IL33: variants seen among roughly 807,000 people sequenced by gnomAD.
The protein encoded by IL33 is interleukin-33.
In IL33, 37 loss-of-function variants were observed where a neutral mutation model predicts 27.3. The ratio of observed to expected loss-of-function variants is 1.36; its 90% confidence interval spans 1.04 to 1.78. The LOEUF is 1.78. Among genes scored for constraint, IL33 ranks in the 40% most tolerant of loss-of-function variants. IL33 has a pLI of 0.00. For synonymous variants in IL33, 132 were observed against 102.9 expected (o/e 1.28, Z -1.71); for missense variants, 406 against 311.4 (o/e 1.30, Z -2.29).
rs1392001520 is a variant in IL33 at position 6,219,081 on chromosome 9, T to G, written c.-12+3229T>G. 1.3e-4 allele frequency among the ~76,000 whole-genome samples: 19 copies of G among 150,754 alleles called. No homozygotes were observed. The East Asian group carries it at 3.3e-3, about 26-fold the overall frequency. ...GGCAAACATGGTGGAAATCAAGAGG[T>G]TCATTGGAATTCACCTTCTTTGTAT... On this transcript the variant is annotated intron_variant, in intron 1 of 7. Transcript: ENST00000682010.
chr9:6,252,808 T>C (rs1278621510), intron 4 of IL33, 58 bp from the exon 5 acceptor site: 3 of 1,586,636 alleles, frequency 1.9e-6, no homozygotes, highest in Non-Finnish European at 1.7e-6. Flanking sequence ...AGGGAGCATT[T>C]TTTAAAAAGG....
chr9:6,232,090 A>C (rs1818954722), intron 1 of IL33, among the ~76,000 whole-genome samples: 2 of 152,234 alleles, frequency 1.3e-5, no homozygotes, highest in Admixed American at 6.5e-5. Flanking sequence ...GGAAATTGCT[A>C]ATCAAAGAGC....
chr9:6,218,880 C>CAT (rs1228466386), intron 1 of IL33, among the ~76,000 whole-genome samples: 2 of 56,304 alleles, frequency 3.6e-5, no homozygotes, highest in African/African-American at 7.9e-5. Flanking sequence ...ATATGTTCTC[C>CAT]ATATATATAT....
rs1816324773 is a variant in IL33, at chr9:6,251,067, C to G, written c.218-73C>G. On this transcript the variant is annotated intron_variant, in intron 3 of 7. Transcript: ENST00000682010. ...CACTACTCTCAGCAAGCAGCCTTAACTGGGAATCCTCAAAGGGGCATTTGT... is the reference window on the plus strand; with the variant it reads ...CACTACTCTCAGCAAGCAGCCTTAAGTGGGAATCCTCAAAGGGGCATTTGT... 4 of 1,561,976 alleles carry G rather than the reference C, an allele frequency of 2.6e-6. No individual in the cohort carries two copies. The Admixed American group carries it at 7.3e-5, about 28-fold the overall frequency.
At position 6,256,393 on chromosome 9, in the gene IL33, AT is replaced by A. The variant is rs1816733553; in HGVS notation, c.*226del. Reference sequence around the variant, plus strand: ...TTCAATACAAGTATCAGTATATTAAATAGGGTATTGGTAAAGAAACGGTCAA... The same window carrying A: ...TTCAATACAAGTATCAGTATATTAAAAGGGTATTGGTAAAGAAACGGTCAA... On this transcript the variant is annotated 3_prime_UTR_variant, in exon 8 of 8. Coordinates refer to ENST00000682010, the MANE Select transcript of IL33 (RefSeq NM_033439.4). The A allele has an allele frequency of 1.1e-5, 6 of 542,100 alleles. No homozygotes were observed. Among genetic ancestry groups the A allele is most frequent in the Admixed American group, 6.9e-5 (2 of 29,168 alleles). 33.6% of individuals were successfully genotyped at this position (542,100 alleles called of 1,614,324 possible).
At chr9:6,224,781 G>A (rs192859534) in intron 1 of IL33, among the ~76,000 whole-genome samples, 1 of 152,280 alleles carries the variant, frequency 6.6e-6, no homozygotes, top group East Asian at 1.9e-4. Context: ...TGATATATCG[G>A]CATTACCTAC....
At chr9:6,239,778 A>T (rs1819425192) in intron 1 of IL33, among the ~76,000 whole-genome samples, 1 of 151,700 alleles carries the variant, frequency 6.6e-6, no homozygotes, top group African/African-American at 2.4e-5. Flanking sequence ...TAATGACTAG[A>T]CCCCTCCCTA....
At chr9:6,222,272 G>A (rs1374622652) in intron 1 of IL33, among the ~76,000 whole-genome samples, 1 of 152,188 alleles carries the variant, frequency 6.6e-6, no homozygotes, top group African/African-American at 2.4e-5. Flanking sequence ...ACAATGTTGT[G>A]TGTTAGCAGG....
Position 6,257,426 on chromosome 9 carries a change from G to C in IL33, c.*1258G>C, listed in dbSNP as rs1057330979. The C allele has an allele frequency of 2.6e-5, 4 of 152,462 alleles. No individual in the cohort carries two copies. The highest frequency in any genetic ancestry group is 9.7e-5 in the African/African-American group (4 of 41,400). The allele number at this position is 152,462 out of a possible 1,614,324, so 9.4% of individuals were successfully genotyped here. ...GATGCCAAAACGTTTATTCTGCTTT[G>C]TCTGTTGTAGAATTTTAGATAAAGC... is the stretch of plus-strand genomic sequence containing the variant. On this transcript the variant is annotated 3_prime_UTR_variant, in exon 8 of 8. Transcript: ENST00000682010.
At chr9:6,249,735 TG>T (rs1281766988) in intron 2 of IL33, among the ~76,000 whole-genome samples, 2 of 152,178 alleles carry the variant, frequency 1.3e-5, no homozygotes, top group African/African-American at 4.8e-5. Context: ...TCTGTAATCT[TG>T]GGCAAGTGTC....
At chr9:6,228,319 C>CA (rs1393587779) in intron 1 of IL33, among the ~76,000 whole-genome samples, 2 of 151,434 alleles carry the variant, frequency 1.3e-5, no homozygotes, top group Admixed American at 6.6e-5. Context: ...AAAACAAAAA[C>CA]AAAAAAAGGA....
At chr9:6,215,929 T>G (rs1033077610) in intron 1 of IL33, 77 bp downstream of exon 1, 2 of 151,774 alleles carry the variant, frequency 1.3e-5, no homozygotes, top group African/African-American at 2.4e-5. Flanking sequence ...GAACTGTGTT[T>G]TTTTTTTTTT....
At chr9:6,248,050 T>C (rs1274313228) in intron 2 of IL33, among the ~76,000 whole-genome samples, 3 of 152,054 alleles carry the variant, frequency 2.0e-5, no homozygotes, top group Non-Finnish European at 2.9e-5. Context: ...CACGTTCCCA[T>C]GTGATGCTGA....
At chr9:6,239,811 T>C (rs1234360552) in intron 1 of IL33, among the ~76,000 whole-genome samples, 1 of 152,146 alleles carries the variant, frequency 6.6e-6, no homozygotes, top group African/African-American at 2.4e-5. Flanking sequence ...CACTAGTTTT[T>C]TAGTGACTCT....
chr9:6,218,577 T>G (rs1818252310), intron 1 of IL33, among the ~76,000 whole-genome samples: 1 of 150,250 alleles, frequency 6.7e-6, no homozygotes, highest in Non-Finnish European at 1.5e-5. Context: ...GGGTCAGCAT[T>G]GAGATAATAT....
intron 1 of IL33, among the ~76,000 whole-genome samples, chr9:6,230,121 A>G (rs923420411): frequency 6.6e-6 from 1 of 152,220 alleles, no homozygotes; most frequent in African/African-American, 2.4e-5. Context: ...GCCAATGTAT[A>G]GAAATGACTG....
Position 6,256,149 on chromosome 9 carries a change from T to C in IL33, c.794T>C (p.Phe265Ser), listed in dbSNP as rs779381318. 2 of 1,613,070 alleles carry C rather than the reference T, an allele frequency of 1.2e-6. No homozygotes were observed. The highest frequency in any genetic ancestry group is 1.3e-5 in the African/African-American group (1 of 74,900). Residue 265 changes from phenylalanine to serine, a missense_variant, in exon 8 of 8, where the codon TTT becomes TCT. Physicochemically the swap from Phe to Ser is radical, Grantham distance 155. Coordinates refer to ENST00000682010, the MANE Select transcript of IL33 (RefSeq NM_033439.4). ...SENLCTENIL[F>S]KLSET Reference sequence around the variant, plus strand: ...AATTTGTGTACTGAAAATATCTTGTTTAAGCTCTCTGAAACTTAGTTGATG... The same window carrying C: ...AATTTGTGTACTGAAAATATCTTGTCTAAGCTCTCTGAAACTTAGTTGATG...
Position 6,218,152 on chromosome 9 carries a change from G to A in IL33, c.-12+2300G>A, listed in dbSNP as rs545638828. Among the ~76,000 whole-genome samples the A allele has an allele frequency of 5.9e-5, 9 of 152,222 alleles. No homozygotes were observed. In the South Asian group the frequency reaches 6.2e-4, roughly 11 times the overall value. On this transcript the variant is annotated intron_variant, in intron 1 of 7. Transcript: ENST00000682010. ...GTTAAGAACTTCTAGCACAAGCATC[G>A]CACTTTCCTCAGCTCATATTTCACA...
In IL33 at chr9:6,256,062, C is replaced by T; in HGVS notation, c.707C>T (p.Pro236Leu). ...GTTTCATTTGAATGCAAGACTGATC[C>T]TGGAGTGTTTATAGGTGTAAAGGAT... is the stretch of plus-strand genomic sequence containing the variant. ...NCVSFECKTD[P>L]GVFIGVKDNH... is the part of the protein sequence containing the mutation. The change falls in exon 8 of 8, where the codon CCT (proline) becomes CTT (leucine). Residue 236 changes from proline (P) to leucine (L), a missense_variant. Pro to Leu is a moderately conservative substitution (Grantham distance 98, BLOSUM62 -3). Coordinates refer to ENST00000682010, the MANE Select transcript of IL33 (RefSeq NM_033439.4). 1 of 1,613,114 alleles carries T rather than the reference C, an allele frequency of 6.2e-7. No homozygotes were observed. Among genetic ancestry groups the T allele is most frequent in the South Asian group, 1.1e-5 (1 of 91,062 alleles).
Sources: allele counts gnomAD v4.1 joint callset (sites outside exome capture counted in the v4.1 genomes callset), GRCh38; gene constraint gnomAD v4.1.1; transcripts MANE v1.5; gene names NCBI Gene and HGNC (gene_info 2026-07-23, HGNC 2026-07-21).